The following C16orf96 variants were observed in gnomAD, a reference collection of about 807,000 sequenced individuals.
C16orf96 encodes the protein chromosome 16 open reading frame 96.
In C16orf96, 108 loss-of-function variants were observed where a neutral mutation model predicts 103.6. The observed-to-expected ratio is 1.04, with a 90% CI of 0.89 to 1.22. The LOEUF is 1.22. C16orf96 is among the 50% of genes most tolerant of loss of function. The pLI is 0.00. For synonymous variants in C16orf96, 566 were observed against 593.5 expected (o/e 0.95, Z 0.67); for missense variants, 1,586 against 1,464.2 (o/e 1.08, Z -1.36).
intron 7 of C16orf96, among the ~76,000 whole-genome samples, chr16:4,585,835 A>T (rs895549311): frequency 6.6e-6 from 1 of 152,156 alleles, no homozygotes; most frequent in African/African-American, 2.4e-5. Context: ...AAGTGAAGCA[A>T]CTCAGGAGTG....
At chr16:4,562,959 C>G in intron 1 of C16orf96, 3 of 1,367,048 alleles carry the variant, frequency 2.2e-6, no homozygotes, top group Non-Finnish European at 3.1e-6. Context: ...TAGCACTTTG[C>G]CTTTAAAATC....
chr16:4,571,506 CT>C lies in C16orf96; in HGVS notation c.421-53del, dbSNP rs1224537589. The C allele has an allele frequency of 2.0e-6, 3 of 1,470,410 alleles. No homozygotes were observed. The African/African-American group carries it at 4.2e-5, about 21-fold the overall frequency. 91.1% of individuals were successfully genotyped at this position (1,470,410 alleles called of 1,614,324 possible). ...ATCATCAGAAAGCTTCTGCACTTCACTTACCTTCTCCCCCAGCCATACCCGG... is the reference window on the plus strand; with the variant it reads ...ATCATCAGAAAGCTTCTGCACTTCACTACCTTCTCCCCCAGCCATACCCGG... On this transcript the variant is annotated intron_variant, in intron 1 of 15. Coordinates refer to ENST00000444310, the MANE Select transcript of C16orf96 (RefSeq NM_001145011.2).
intron 7 of C16orf96, among the ~76,000 whole-genome samples, chr16:4,585,670 T>C (rs1383472313): frequency 6.6e-6 from 1 of 152,066 alleles, no homozygotes; most frequent in African/African-American, 2.4e-5. Flanking sequence ...AAATCACTCT[T>C]GGGGTTCTGG....
intron 6 of C16orf96, among the ~76,000 whole-genome samples, chr16:4,579,293 C>T (rs1175882183): frequency 6.6e-6 from 1 of 152,070 alleles, no homozygotes. Context: ...TGGCTCATAC[C>T]TGTAATCCCA....
In C16orf96 at chr16:4,575,435, G is replaced by A. The variant is rs2059491677; in HGVS notation, c.955G>A (p.Gly319Arg). 1.3e-6 allele frequency: 2 copies of A among 1,549,388 alleles called. No homozygotes were observed. Among genetic ancestry groups the A allele is most frequent in the Non-Finnish European group, 1.7e-6 (2 of 1,146,944 alleles). ...PPALTPESAP[G>R]CTTEFAPGPA... ...GGCCCTCACGCCTGAGTCTGCACCT[G>A]GGTGCACAACTGAATTTGCACCTGG... Residue 319 changes from glycine (G) to arginine (R), a missense_variant, in exon 5 of 16, where the codon GGG becomes AGG. By Grantham distance (125) the Gly-to-Arg change is moderately radical (BLOSUM62 -2). Coordinates refer to ENST00000444310, the MANE Select transcript of C16orf96 (RefSeq NM_001145011.2).
At chr16:4,577,849 C>T (rs553529074) in intron 5 of C16orf96, among the ~76,000 whole-genome samples, 1 of 152,028 alleles carries the variant, frequency 6.6e-6, no homozygotes, top group African/African-American at 2.4e-5. Flanking sequence ...CCAGCTACCT[C>T]GGAGGCTGAG....
Position 4,578,893 on chromosome 16 carries a change from C to T in C16orf96, c.2156-47C>T, listed in dbSNP as rs572160508. ...AGCAGCTAGAGCCCAACAGAAACAT[C>T]TTCCTCCATCCGAGCCCTCAGCAGC... On this transcript the variant is annotated intron_variant, in intron 5 of 15. Coordinates refer to ENST00000444310, the MANE Select transcript of C16orf96 (RefSeq NM_001145011.2). 55 of 1,450,922 alleles carry T rather than the reference C, an allele frequency of 3.8e-5. No homozygotes were observed. In the Middle Eastern group the frequency reaches 5.4e-4, roughly 14 times the overall value. The allele number at this position is 1,450,922 out of a possible 1,614,324, so 89.9% of individuals were successfully genotyped here.
the C16orf96 span, among the ~76,000 whole-genome samples, chr16:4,546,352 G>T: frequency 6.6e-6 from 1 of 151,604 alleles, no homozygotes; most frequent in South Asian, 2.1e-4. Context: ...TAGAGATGGG[G>T]TTTCACCGTG....
chr16:4,571,608 G>C lies in C16orf96; in HGVS notation c.468G>C (p.Gln156His), dbSNP rs1050364962. 1.9e-6 allele frequency: 3 copies of C among 1,552,182 alleles called. No individual in the cohort carries two copies. The highest frequency in any genetic ancestry group is 2.6e-6 in the Non-Finnish European group (3 of 1,147,116). ...QDLLTDLHAL[Q>H]VTITALRKEV... ...TGCTCACTGATCTTCATGCACTCCAGGTCACCATCACAGCCCTCAGAAAAG... is the reference window on the plus strand; with the variant it reads ...TGCTCACTGATCTTCATGCACTCCACGTCACCATCACAGCCCTCAGAAAAG... The change falls in exon 2 of 16, where the codon CAG (glutamine) becomes CAC (histidine). Residue 156 changes from glutamine (Q) to histidine (H), a missense_variant. Gln to His is a conservative substitution (Grantham distance 24, BLOSUM62 0). Transcript: ENST00000444310.
the C16orf96 span, among the ~76,000 whole-genome samples, chr16:4,540,409 A>T: frequency 2.0e-5 from 3 of 152,068 alleles, no homozygotes; most frequent in Non-Finnish European, 4.4e-5. Flanking sequence ...GGCAGGCTGG[A>T]TCCAAGTCAT....
At position 4,571,543 on chromosome 16, in the gene C16orf96, TCTC is replaced by T; in HGVS notation, c.421-11_421-9del. The T allele has an allele frequency of 3.2e-6, 5 of 1,548,818 alleles. No homozygotes were observed. Among genetic ancestry groups the T allele is most frequent in the East Asian group, 2.4e-5 (1 of 40,846 alleles). Reference sequence around the variant, plus strand: ...CCCAGCCATACCCGGCTTCACATTTTCTCCTCCTCTTTTGCAGTCAATGCAGAC... The same window carrying T: ...CCCAGCCATACCCGGCTTCACATTTTCTCCTCTTTTGCAGTCAATGCAGAC... On this transcript the variant is annotated splice_polypyrimidine_tract_variant and intron_variant, in intron 1 of 15. Coordinates refer to ENST00000444310, the MANE Select transcript of C16orf96 (RefSeq NM_001145011.2).
At chr16:4,565,138 C>G (rs753687970) in intron 1 of C16orf96, among the ~76,000 whole-genome samples, 2 of 152,230 alleles carry the variant, frequency 1.3e-5, no homozygotes, top group Non-Finnish European at 2.9e-5. Context: ...GTACTGGGCC[C>G]TAGCTGAACC....
chr16:4,586,973 G>A (rs999140990), intron 7 of C16orf96, 66 bp from the exon 8 acceptor site: 2 of 1,400,774 alleles, frequency 1.4e-6, no homozygotes, highest in African/African-American at 1.4e-5. Flanking sequence ...TGGTAGAGGT[G>A]GGAGGTTGAC....
chr16:4,578,618 C>T (rs1323951149), intron 5 of C16orf96, among the ~76,000 whole-genome samples: 6 of 151,926 alleles, frequency 3.9e-5, no homozygotes, highest in South Asian at 2.1e-4. Flanking sequence ...ATTAGCTGGG[C>T]GTGGTGGCGT....
intron 1 of C16orf96, among the ~76,000 whole-genome samples, chr16:4,562,350 T>C (rs2059341436): frequency 6.6e-6 from 1 of 151,778 alleles, no homozygotes; most frequent in Admixed American, 6.6e-5. Context: ...GTGGTGCACC[T>C]GTAGTCCCAG....
chr16:4,558,407 A>T (rs942411582), intron 1 of C16orf96, among the ~76,000 whole-genome samples: 2 of 152,280 alleles, frequency 1.3e-5, no homozygotes, highest in East Asian at 3.9e-4. Flanking sequence ...TGAGCCCAGG[A>T]GTTCAAGACC....
chr16:4,595,690 T>TTTGTTGTTG lies in C16orf96; in HGVS notation c.3127+902_3127+910dup, dbSNP rs56706290. 2.8e-4 allele frequency among the ~76,000 whole-genome samples: 42 copies of TTTGTTGTTG among 150,720 alleles called. No individual in the cohort carries two copies. In the East Asian group the frequency reaches 5.9e-3, roughly 21 times the overall value. ...ACTCCACCTGCAGAAATTCTGGTTT[T>TTTGTTGTTG]TTGTTGTTGTTGTTGTTGTTGTTTG... On this transcript the variant is annotated intron_variant, in intron 14 of 15. Coordinates refer to ENST00000444310, the MANE Select transcript of C16orf96 (RefSeq NM_001145011.2).
chr16:4,555,846 G>A (rs1278225307), upstream of C16orf96, among the ~76,000 whole-genome samples: 5 of 151,574 alleles, frequency 3.3e-5, no homozygotes, highest in Admixed American at 2.6e-4. Flanking sequence ...ACAGATGTGC[G>A]CCAGCACATC....
upstream of C16orf96, among the ~76,000 whole-genome samples, chr16:4,551,600 C>T (rs955454958): frequency 7.9e-5 from 12 of 152,074 alleles, no homozygotes; most frequent in South Asian, 4.1e-4. Flanking sequence ...TACAGGCACC[C>T]GCCACCATGC....
Sources: gnomAD v4.1 joint callset for allele counts (sites outside exome capture counted in the v4.1 genomes callset) on GRCh38, gnomAD v4.1.1 for gene constraint, MANE v1.5 for transcripts, NCBI Gene and HGNC (gene_info 2026-07-23, HGNC 2026-07-21) for gene names.